PRKAR2B: variants seen among roughly 807,000 people sequenced by gnomAD.
The protein encoded by PRKAR2B is cAMP-dependent protein kinase type II-beta regulatory subunit.
In PRKAR2B, 14 loss-of-function variants were observed where a neutral mutation model predicts 49.9. The ratio of observed to expected loss-of-function variants is 0.28; its 90% confidence interval spans 0.19 to 0.44. The LOEUF is 0.44. Ranked by LOEUF, PRKAR2B falls within the 20% of genes least tolerant of loss-of-function variation. The probability of loss-of-function intolerance (pLI) is 1.00; values close to 1 mark genes in which losing one functional copy is unlikely to be tolerated. For missense variants in PRKAR2B, 393 were observed against 537.9 expected, an observed-to-expected ratio of 0.73 and a Z score of 2.67; for synonymous variants, 196 against 197.7, an observed-to-expected ratio of 0.99 and a Z score of 0.07.
Position 107,044,791 on chromosome 7 carries a change from G to C in PRKAR2B, c.-117G>C. 1 of 717,452 alleles carries C rather than the reference G, an allele frequency of 1.4e-6. No homozygotes were observed. The highest frequency in any genetic ancestry group is 1.8e-6 in the Non-Finnish European group (1 of 553,934). 44.4% of individuals were successfully genotyped at this position (717,452 alleles called of 1,614,324 possible). ...GGGCCGCCGGGGCCCAGTGCGCCGC[G>C]CTCGCAGCCGGTAGCGCGCCAGCGC... On this transcript the variant is annotated 5_prime_UTR_variant, in exon 1 of 11. Coordinates refer to ENST00000265717, the MANE Select transcript of PRKAR2B (RefSeq NM_002736.3).
intron 2 of PRKAR2B, among the ~76,000 whole-genome samples, chr7:107,089,851 C>T (rs754299395): frequency 6.6e-6 from 1 of 152,178 alleles, no homozygotes; most frequent in African/African-American, 2.4e-5. Context: ...CCTTTCAGAA[C>T]CACACATGAT....
chr7:107,157,689 C>T lies in PRKAR2B; in HGVS notation c.1123+365C>T, dbSNP rs548021301. 1.8e-4 allele frequency among the ~76,000 whole-genome samples: 28 copies of T among 152,222 alleles called. No individual in the cohort carries two copies. The East Asian group carries it at 3.3e-3, about 18-fold the overall frequency. ...TTATAAAGTCCGTTATTAAGATCTG[C>T]GGGGAATGCTGAGATGTTGTGAGAA... On this transcript the variant is annotated intron_variant, in intron 10 of 10. Coordinates refer to ENST00000265717, the MANE Select transcript of PRKAR2B (RefSeq NM_002736.3).
intron 2 of PRKAR2B, among the ~76,000 whole-genome samples, chr7:107,112,266 T>C (rs1795191200): frequency 6.6e-6 from 1 of 151,654 alleles, no homozygotes; most frequent in African/African-American, 2.4e-5. Flanking sequence ...ACAAGTAAGT[T>C]TGCTAATTTA....
intron 2 of PRKAR2B, among the ~76,000 whole-genome samples, chr7:107,109,426 ATTTT>A (rs35160187): frequency 7.2e-6 from 1 of 139,852 alleles, no homozygotes; most frequent in Admixed American, 7.2e-5. Flanking sequence ...CACTCAGCTA[ATTTT>A]TTTTTTTTTT....
intron 2 of PRKAR2B, among the ~76,000 whole-genome samples, chr7:107,096,204 A>G (rs1159675208): frequency 6.6e-6 from 1 of 152,134 alleles, no homozygotes. Flanking sequence ...CTATTTAGGG[A>G]TTCGACTTTT....
At chr7:107,072,841 T>C (rs1436125681) in intron 2 of PRKAR2B, among the ~76,000 whole-genome samples, 2 of 152,200 alleles carry the variant, frequency 1.3e-5, no homozygotes, top group African/African-American at 4.8e-5. Flanking sequence ...AGATACTTTT[T>C]CTTTTCATAA....
chr7:107,150,367 T>G (rs1006025224), intron 6 of PRKAR2B, among the ~76,000 whole-genome samples: 1 of 151,924 alleles, frequency 6.6e-6, no homozygotes. Flanking sequence ...TAAATAAAAA[T>G]TTTTTTTATG....
At chr7:107,119,926 G>A (rs749994845) in intron 2 of PRKAR2B, among the ~76,000 whole-genome samples, 1 of 152,160 alleles carries the variant, frequency 6.6e-6, no homozygotes, top group Non-Finnish European at 1.5e-5. Context: ...CAGGAATTAC[G>A]CGGGTAAATT....
intron 2 of PRKAR2B, among the ~76,000 whole-genome samples, chr7:107,120,145 A>T (rs182576179): frequency 1.6e-4 from 24 of 152,258 alleles, no homozygotes; most frequent in Middle Eastern, 3.4e-3. Context: ...TGTACTTTAG[A>T]TCAGGGTTTC....
At chr7:107,106,876 T>C (rs1795083289) in intron 2 of PRKAR2B, among the ~76,000 whole-genome samples, 1 of 152,026 alleles carries the variant, frequency 6.6e-6, no homozygotes, top group Non-Finnish European at 1.5e-5. Context: ...ATATCTGGTG[T>C]GGCTTCTTGG....
intron 2 of PRKAR2B, among the ~76,000 whole-genome samples, chr7:107,114,416 C>T (rs1795232546): frequency 6.7e-6 from 1 of 150,314 alleles, no homozygotes; most frequent in South Asian, 2.1e-4. Flanking sequence ...GGCTGGAGTG[C>T]AGTGGCACCA....
chr7:107,070,257 A>G (rs746851645), intron 1 of PRKAR2B, 24 bp from the exon 2 acceptor site: 3 of 1,592,262 alleles, frequency 1.9e-6, no homozygotes, highest in Non-Finnish European at 2.6e-6. Context: ...TAATCTAATC[A>G]TATTATTCTG....
intron 10 of PRKAR2B, among the ~76,000 whole-genome samples, chr7:107,157,645 G>A (rs1442184407): frequency 6.6e-6 from 1 of 152,198 alleles, no homozygotes; most frequent in Admixed American, 6.5e-5. Flanking sequence ...CCTCAAAAGA[G>A]AAGGCTAAAG....
chr7:107,079,088 T>G lies in PRKAR2B; in HGVS notation c.343+8772T>G, dbSNP rs117837967. 4.6e-3 allele frequency among the ~76,000 whole-genome samples: 695 copies of G among 152,236 alleles called. 3 individuals are homozygous for G. The highest frequency in any genetic ancestry group is 7.1e-3 in the Non-Finnish European group (486 of 68,006). Reference sequence around the variant, plus strand: ...GGGTCGGGGAGTTAGATCTATAAGATAGTATAAAATAGGTATGAGTAGATA... The same window carrying G: ...GGGTCGGGGAGTTAGATCTATAAGAGAGTATAAAATAGGTATGAGTAGATA... On this transcript the variant is annotated intron_variant, in intron 2 of 10. Coordinates refer to ENST00000265717, the MANE Select transcript of PRKAR2B (RefSeq NM_002736.3).
chr7:107,130,051 A>T lies in PRKAR2B; in HGVS notation c.480+1756A>T, dbSNP rs560980935. Among the ~76,000 whole-genome samples, 10 of 152,210 alleles carry T rather than the reference A, an allele frequency of 6.6e-5. No homozygotes were observed. In the South Asian group the frequency reaches 2.1e-3, roughly 32 times the overall value. The stretch of plus-strand genomic sequence containing the variant: ...GCCCAGTAGGTTTCAGCCTTATTTT[A>T]CCCAGCTCCTATTCAAGATGGAGTT... On this transcript the variant is annotated intron_variant, in intron 4 of 10. Transcript: ENST00000265717.
intron 2 of PRKAR2B, among the ~76,000 whole-genome samples, chr7:107,120,308 A>C (rs147156510): frequency 2.3e-4 from 35 of 152,220 alleles, no homozygotes; most frequent in African/African-American, 8.4e-4. Context: ...TGACAATTAA[A>C]ATGTCACAGA....
At chr7:107,054,764 A>T (rs976355020) in intron 1 of PRKAR2B, among the ~76,000 whole-genome samples, 4 of 152,234 alleles carry the variant, frequency 2.6e-5, no homozygotes, top group African/African-American at 7.2e-5. Context: ...GTAAATGTGT[A>T]TGAATGTAAA....
intron 1 of PRKAR2B, among the ~76,000 whole-genome samples, chr7:107,059,470 A>G (rs1392006386): frequency 1.3e-5 from 2 of 152,072 alleles, no homozygotes; most frequent in African/African-American, 2.4e-5. Context: ...AGAAATTTGT[A>G]TAAATTTTGC....
rs114199576 is a variant in PRKAR2B, at chr7:107,102,048, A to G, written c.344-19904A>G. On this transcript the variant is annotated intron_variant, in intron 2 of 10. Coordinates refer to ENST00000265717, the MANE Select transcript of PRKAR2B (RefSeq NM_002736.3). ...TCACCAGTCTGCTGATCAGAACACG[A>G]TACAAAAAATTAGCCGGGCATGGTG... is the stretch of plus-strand genomic sequence containing the variant. 9.4e-3 allele frequency among the ~76,000 whole-genome samples: 1,427 copies of G among 152,216 alleles called. 15 individuals are homozygous for G. Among genetic ancestry groups the G allele is most frequent in the African/African-American group, 0.032 (1,348 of 41,516 alleles).
Sources: allele counts gnomAD v4.1 joint callset (sites outside exome capture counted in the v4.1 genomes callset), GRCh38; gene constraint gnomAD v4.1.1; transcripts MANE v1.5; gene names NCBI Gene and HGNC (gene_info 2026-07-23, HGNC 2026-07-21).